PER2: variants seen among roughly 807,000 people sequenced by gnomAD.
The protein encoded by PER2 is period circadian protein homolog 2.
In PER2, 66 loss-of-function variants were observed where a neutral mutation model predicts 121.0. The ratio of observed to expected loss-of-function variants is 0.55; its 90% CI spans 0.45 to 0.67. PER2 has a LOEUF of 0.67. PER2 is among the 30% of genes least tolerant of loss of function. The pLI is 0.00. For synonymous variants in PER2, 684 were observed against 659.9 expected (o/e 1.04, Z -0.56); for missense variants, 1,521 against 1,635.0 (o/e 0.93, Z 1.20).
Position 238,268,869 on chromosome 2 carries a change from G to A in PER2, c.824+54C>T. Reference sequence around the variant, plus strand: ...CCCAGCCTCAAGCGGAGCAGTGCTGGGGTGAAATGTTTATACGGTTTTCTA... The same window carrying A: ...CCCAGCCTCAAGCGGAGCAGTGCTGAGGTGAAATGTTTATACGGTTTTCTA... On this transcript the variant is annotated intron_variant, in intron 7 of 22. Coordinates refer to ENST00000254657, the MANE Select transcript of PER2 (RefSeq NM_022817.3). The surrounding 1 kb of genome is among the most constrained non-coding windows in gnomAD (Gnocchi z 4.0). The A allele has an allele frequency of 7.6e-7, 1 of 1,309,290 alleles. No homozygotes were observed. Among genetic ancestry groups the A allele is most frequent in the African/African-American group, 1.4e-5 (1 of 69,078 alleles). 81.1% of individuals were successfully genotyped at this position (1,309,290 alleles called of 1,614,324 possible).
In PER2 at chr2:238,258,247, A is replaced by G. The variant is rs981760536; in HGVS notation, c.1900+29T>C. 5 of 1,612,918 alleles carry G rather than the reference A, an allele frequency of 3.1e-6. No individual in the cohort carries two copies. The African/African-American group carries it at 5.3e-5, about 17-fold the overall frequency. Reference sequence around the variant, plus strand: ...CTCCAGAGGATTTACATTATTTCACATGTACATGGCTCTACACAGATTAGA... The same window carrying G: ...CTCCAGAGGATTTACATTATTTCACGTGTACATGGCTCTACACAGATTAGA... On this transcript the variant is annotated intron_variant, in intron 16 of 22. Coordinates refer to ENST00000254657, the MANE Select transcript of PER2 (RefSeq NM_022817.3).
At chr2:238,289,191 A>C (rs565673605), upstream of PER2, 159 of 152,276 alleles carry the variant, frequency 1.0e-3, 1 homozygote, top group African/African-American at 3.4e-3. Context: ...CGGACGAGGG[A>C]GACCTCCACC....
rs951660667 is a variant in PER2, at chr2:238,287,255, C to A, written c.-20+1094G>T. On this transcript the variant is annotated intron_variant, in intron 1 of 22. Coordinates refer to ENST00000254657, the MANE Select transcript of PER2 (RefSeq NM_022817.3). ...GTGCCATCCCCGCGCTGGCACACCA[C>A]ACAGCTTCCACTCAAAAAAAACGGA... is the stretch of plus-strand genomic sequence containing the variant. Among the ~76,000 whole-genome samples, 3 of 152,368 alleles carry A rather than the reference C, an allele frequency of 2.0e-5. No homozygotes were observed. The East Asian group carries it at 5.8e-4, about 29-fold the overall frequency.
chr2:238,286,287 G>A (rs1158680013), intron 1 of PER2, among the ~76,000 whole-genome samples: 2 of 152,084 alleles, frequency 1.3e-5, no homozygotes, highest in East Asian at 1.9e-4. Context: ...GGAAGAGCAC[G>A]AGGAACCCTT....
intron 4 of PER2, among the ~76,000 whole-genome samples, chr2:238,273,716 A>G (rs1696365485): frequency 6.6e-6 from 1 of 152,082 alleles, no homozygotes; most frequent in Non-Finnish European, 1.5e-5. Flanking sequence ...ACCAGGCTGG[A>G]GTGCAGTGGC....
chr2:238,285,895 G>A (rs903940081), intron 1 of PER2, among the ~76,000 whole-genome samples: 3 of 142,076 alleles, frequency 2.1e-5, no homozygotes, highest in Admixed American at 7.5e-5. Flanking sequence ...CTTCCTGGTA[G>A]GAGCCAACTC....
upstream of PER2, chr2:238,289,262 A>G (rs908074251): frequency 3.9e-5 from 6 of 152,198 alleles, no homozygotes; most frequent in Non-Finnish European, 8.8e-5. Context: ...TCCGCGCGGC[A>G]TGCTTCATTC....
At chr2:238,255,393 C>A in intron 18 of PER2, 2 of 556,618 alleles carry the variant, frequency 3.6e-6, no homozygotes, top group African/African-American at 3.8e-5. Flanking sequence ...GTGGACATGG[C>A]AGCACTGCCC....
chr2:238,281,522 A>G (rs1269742196), intron 1 of PER2, among the ~76,000 whole-genome samples: 1 of 152,230 alleles, frequency 6.6e-6, no homozygotes, highest in Non-Finnish European at 1.5e-5. Flanking sequence ...TGGCAGTTCT[A>G]GCAAATTCAA....
rs1695422609 is a variant in PER2, at chr2:238,245,491, G to A, written c.*884C>T. The A allele has an allele frequency of 2.5e-6, 1 of 398,288 alleles. No homozygotes were observed. Among genetic ancestry groups the A allele is most frequent in the Admixed American group, 4.4e-5 (1 of 22,710 alleles). The allele number at this position is 398,288 out of a possible 1,614,324, so 24.7% of individuals were successfully genotyped here. On this transcript the variant is annotated 3_prime_UTR_variant, in exon 23 of 23. Transcript: ENST00000254657. ...TGGCTGGGTGGAAGCAGATGTCTGGGTGGTTCCAACGGAAGAAAACCAAAC... is the reference window on the plus strand; with the variant it reads ...TGGCTGGGTGGAAGCAGATGTCTGGATGGTTCCAACGGAAGAAAACCAAAC...
rs766454791 is a variant in PER2, at chr2:238,253,284, G to A, written c.2739C>T (p.Phe913=). The change falls in exon 19 of 23, where the codon TTC becomes TTT. Residue 913 remains phenylalanine, a synonymous_variant. Coordinates refer to ENST00000254657, the MANE Select transcript of PER2 (RefSeq NM_022817.3). The surrounding 1 kb of genome is among the most constrained non-coding windows in gnomAD (Gnocchi z 5.6). ...GGGGCAGGTTTGGGGTCCCCGAGGG[G>A]AAGGAATAACTGGGTAGCATGAATG... ...VMAFMLPSYS[F]PSGTPNLPQA... is the part of the protein sequence containing the mutation. 1 of 1,612,338 alleles carries A rather than the reference G, an allele frequency of 6.2e-7. No individual in the cohort carries two copies. The highest frequency in any genetic ancestry group is 2.2e-5 in the East Asian group (1 of 44,832).
chr2:238,264,259 A>G (rs777433758), intron 9 of PER2, among the ~76,000 whole-genome samples: 1 of 152,216 alleles, frequency 6.6e-6, no homozygotes, highest in African/African-American at 2.4e-5. Context: ...TGCTTTACAT[A>G]TACGGCCCCA....
chr2:238,248,949 C>T (rs1232665424), intron 22 of PER2, 113 bp downstream of exon 22: 2 of 1,216,138 alleles, frequency 1.6e-6, no homozygotes, highest in African/African-American at 1.5e-5. Flanking sequence ...GCCACCGCGC[C>T]CGGCCTAATT....
the PER2 span, chr2:238,298,634 A>G: frequency 6.6e-6 from 1 of 152,122 alleles, no homozygotes; most frequent in Non-Finnish European, 1.5e-5. Flanking sequence ...AGCCTGAATT[A>G]CTTACTATCT....
At chr2:238,256,141 G>C (rs1386815085) in intron 17 of PER2, among the ~76,000 whole-genome samples, 1 of 152,210 alleles carries the variant, frequency 6.6e-6, no homozygotes, top group Non-Finnish European at 1.5e-5. Context: ...AGGAACCTGG[G>C]GCTGAACAAA....
At chr2:238,273,945 C>T (rs151055356) in intron 4 of PER2, among the ~76,000 whole-genome samples, 360 of 152,284 alleles carry the variant, frequency 2.4e-3, no homozygotes, top group African/African-American at 8.4e-3. Flanking sequence ...GGATTACAGG[C>T]GTGAGCCACC....
chr2:238,276,997 G>C, intron 3 of PER2, 134 bp downstream of exon 3: 1 of 778,036 alleles, frequency 1.3e-6, no homozygotes. Context: ...GGCTGGGTTC[G>C]TACCCACATA....
intron 9 of PER2, among the ~76,000 whole-genome samples, chr2:238,264,125 C>T (rs1343795305): frequency 6.6e-6 from 1 of 152,190 alleles, no homozygotes; most frequent in African/African-American, 2.4e-5. Context: ...AGGCTGTGGC[C>T]CATCATGCCA....
chr2:238,297,523 C>T, the PER2 span, among the ~76,000 whole-genome samples: 3 of 152,194 alleles, frequency 2.0e-5, no homozygotes, highest in Non-Finnish European at 2.9e-5. Context: ...CTGTGAGGTT[C>T]GCCTGGATCT....
Sources: gnomAD v4.1 joint callset for allele counts (sites outside exome capture counted in the v4.1 genomes callset) on GRCh38, gnomAD v4.1.1 for gene constraint, Gnocchi (gnomAD v3.1) non-coding constraint, MANE v1.5 for transcripts, NCBI Gene and HGNC (gene_info 2026-07-23, HGNC 2026-07-21) for gene names.